SAMD5: variants seen among roughly 807,000 people sequenced by gnomAD.
The protein encoded by SAMD5 is sterile alpha motif domain containing 5.
In SAMD5, 13 loss-of-function variants were observed where a neutral mutation model predicts 11.3. The ratio of observed to expected loss-of-function variants is 1.15; its 90% CI spans 0.75 to 1.83. The LOEUF is 1.83. Ranked by LOEUF, SAMD5 falls within the 40% of genes most tolerant of loss-of-function variation. The pLI is 0.00. For missense variants in SAMD5, 255 were observed against 239.1 expected (o/e 1.07, Z -0.44); for synonymous variants, 129 against 111.3 (o/e 1.16, Z -1.00).
At chr6:147,780,856 C>T in the SAMD5 span, among the ~76,000 whole-genome samples, 1 of 152,044 alleles carries the variant, frequency 6.6e-6, no homozygotes, top group Non-Finnish European at 1.5e-5. Flanking sequence ...CCTTGCTGAG[C>T]CTGACATGCT....
the SAMD5 span, among the ~76,000 whole-genome samples, chr6:147,948,875 G>T: frequency 2.6e-5 from 4 of 152,024 alleles, no homozygotes; most frequent in Non-Finnish European, 1.5e-5. Flanking sequence ...TTCAAAAGAC[G>T]CAGACATTGC....
At chr6:147,684,016 T>C (rs1031236791) in intron 1 of SAMD5, among the ~76,000 whole-genome samples, 5 of 152,198 alleles carry the variant, frequency 3.3e-5, no homozygotes, top group African/African-American at 1.2e-4. Context: ...AACATACATC[T>C]TGATCAGTTA....
intron 1 of SAMD5, among the ~76,000 whole-genome samples, chr6:147,700,052 G>C (rs1200830171): frequency 6.6e-6 from 1 of 152,220 alleles, no homozygotes; most frequent in South Asian, 2.1e-4. Context: ...GAAATCGAAG[G>C]CCTCAGATCT....
In SAMD5 at chr6:147,731,792, A is replaced by G. The variant is rs571109261; in HGVS notation, c.163-5525A>G. ...AATAGTAAAGCAACCAACAGAATTT[A>G]GAGTGGCTTGTCATTCATTCACTTT... On this transcript the variant is annotated intron_variant, in intron 1 of 1. Transcript: ENST00000566741. Among the ~76,000 whole-genome samples the G allele has an allele frequency of 1.4e-4, 21 of 146,272 alleles. 1 individual carries two copies. The South Asian group carries it at 1.8e-3, about 12-fold the overall frequency.
chr6:147,880,048 C>T, the SAMD5 span, among the ~76,000 whole-genome samples: 1 of 152,158 alleles, frequency 6.6e-6, no homozygotes, highest in Non-Finnish European at 1.5e-5. Flanking sequence ...GTTTATGGAA[C>T]ATCTGCTATG....
the SAMD5 span, among the ~76,000 whole-genome samples, chr6:147,875,850 C>T: frequency 6.6e-6 from 1 of 152,174 alleles, no homozygotes; most frequent in Non-Finnish European, 1.5e-5. Flanking sequence ...GGAAAACAAA[C>T]TCAGGGTTCC....
At chr6:147,693,869 T>C (rs1273020753) in intron 1 of SAMD5, among the ~76,000 whole-genome samples, 1 of 152,102 alleles carries the variant, frequency 6.6e-6, no homozygotes, top group Non-Finnish European at 1.5e-5. Flanking sequence ...CTCGGGAGGC[T>C]GAGGCAGGAG....
chr6:147,893,746 T>C, the SAMD5 span, among the ~76,000 whole-genome samples: 3 of 152,230 alleles, frequency 2.0e-5, no homozygotes, highest in African/African-American at 7.2e-5. Context: ...GCTGTTCATA[T>C]TAATTTTATA....
At chr6:147,927,421 G>A in the SAMD5 span, among the ~76,000 whole-genome samples, 1 of 152,124 alleles carries the variant, frequency 6.6e-6, no homozygotes, top group Non-Finnish European at 1.5e-5. Context: ...TTCTTTCTGA[G>A]GCAATTGTAA....
At chr6:147,834,521 G>C in the SAMD5 span, among the ~76,000 whole-genome samples, 579 of 152,338 alleles carry the variant, frequency 3.8e-3, 3 homozygotes, top group African/African-American at 0.012. Context: ...GATTAGGCGA[G>C]GACAAGGATG....
the SAMD5 span, among the ~76,000 whole-genome samples, chr6:147,921,484 C>A: frequency 6.6e-6 from 1 of 152,188 alleles, no homozygotes; most frequent in East Asian, 1.9e-4. Flanking sequence ...TAAATAGTCT[C>A]ATGACTACAC....
At chr6:147,678,797 C>T (rs139854543) in intron 1 of SAMD5, among the ~76,000 whole-genome samples, 3 of 152,180 alleles carry the variant, frequency 2.0e-5, no homozygotes, top group African/African-American at 7.2e-5. Context: ...TTTTAAAACA[C>T]CTTTAATGAG....
intron 1 of SAMD5, among the ~76,000 whole-genome samples, chr6:147,725,295 A>T (rs1396676577): frequency 1.3e-5 from 2 of 152,022 alleles, no homozygotes; most frequent in African/African-American, 4.8e-5. Flanking sequence ...CACAAAGTAG[A>T]CATGGACCAA....
chr6:147,724,162 C>G (rs1791593952), intron 1 of SAMD5, among the ~76,000 whole-genome samples: 1 of 152,184 alleles, frequency 6.6e-6, no homozygotes, highest in Non-Finnish European at 1.5e-5. Flanking sequence ...GAGTCTCACT[C>G]TGTCACCCAG....
chr6:147,541,997 G>A (rs111678330), intron 1 of SAMD5, among the ~76,000 whole-genome samples: 5,980 of 152,112 alleles, frequency 0.039, 363 homozygotes, highest in African/African-American at 0.12. Flanking sequence ...AACCAGTTTG[G>A]AGAAGGAAGG....
intron 1 of SAMD5, among the ~76,000 whole-genome samples, chr6:147,714,339 G>T (rs549799469): frequency 6.6e-6 from 1 of 152,174 alleles, no homozygotes; most frequent in Non-Finnish European, 1.5e-5. Flanking sequence ...GCAGAAATTG[G>T]AAGAAAATCA....
chr6:147,834,551 A>C, the SAMD5 span, among the ~76,000 whole-genome samples: 4 of 152,188 alleles, frequency 2.6e-5, no homozygotes, highest in East Asian at 7.7e-4. Flanking sequence ...ACAGCTGTTC[A>C]ATTGTTGGGG....
At chr6:147,612,052 T>C (rs1789796325) in intron 1 of SAMD5, among the ~76,000 whole-genome samples, 1 of 152,200 alleles carries the variant, frequency 6.6e-6, no homozygotes, top group Non-Finnish European at 1.5e-5. Flanking sequence ...CTATTACCAA[T>C]TGTTTATCTA....
chr6:147,792,666 A>C, the SAMD5 span, among the ~76,000 whole-genome samples: 1 of 152,140 alleles, frequency 6.6e-6, no homozygotes, highest in Non-Finnish European at 1.5e-5. Flanking sequence ...GAAATGGATG[A>C]TTCTGTGACT....
Sources: gnomAD v4.1 joint callset for allele counts (sites outside exome capture counted in the v4.1 genomes callset) on GRCh38, gnomAD v4.1.1 for gene constraint, MANE v1.5 for transcripts, NCBI Gene and HGNC (gene_info 2026-07-23, HGNC 2026-07-21) for gene names.